Variants in BRINP3 observed in about 807,000 individuals in gnomAD.
BRINP3 encodes the protein BMP/retinoic acid-inducible neural-specific protein 3.
A neutral mutation model predicts 71.0 loss-of-function variants in BRINP3; 19 were observed. That is an observed-to-expected ratio of 0.27 (90% CI 0.19 to 0.39). BRINP3 has a LOEUF of 0.39. Among genes scored for constraint, BRINP3 ranks in the 10% least tolerant of loss-of-function variants. The probability of loss-of-function intolerance (pLI) is 1.00; values close to 1 mark genes in which losing one functional copy is unlikely to be tolerated. For synonymous variants in BRINP3, 380 were observed against 337.7 expected, an observed-to-expected ratio of 1.13 and a Z score of -1.37; for missense variants, 959 against 940.8, an observed-to-expected ratio of 1.02 and a Z score of -0.25.
chr1:190,150,647 T>A (rs1656310930), intron 7 of BRINP3, among the ~76,000 whole-genome samples: 1 of 152,200 alleles, frequency 6.6e-6, no homozygotes, highest in Non-Finnish European at 1.5e-5. Context: ...AATGACAATT[T>A]TGAAATAGCC....
intron 3 of BRINP3, among the ~76,000 whole-genome samples, chr1:190,270,789 G>A (rs10920679): frequency 0.59 from 89,475 of 151,150 alleles, 26,664 homozygotes; most frequent in Admixed American, 0.69. Context: ...CTAAAATAAA[G>A]CTCTAAAGGA....
At chr1:190,198,033 T>C (rs1654646125) in intron 6 of BRINP3, among the ~76,000 whole-genome samples, 1 of 152,126 alleles carries the variant, frequency 6.6e-6, no homozygotes, top group Admixed American at 6.5e-5. Flanking sequence ...AGTTCTTGAC[T>C]CTGTGAACCC....
chr1:190,396,592 T>C (rs1463428598), intron 2 of BRINP3, among the ~76,000 whole-genome samples: 1 of 151,432 alleles, frequency 6.6e-6, no homozygotes, highest in Non-Finnish European at 1.5e-5. Flanking sequence ...ACAAGTGGCA[T>C]TCTCTTTTGC....
chr1:190,235,396 G>A (rs1658418225), intron 4 of BRINP3, among the ~76,000 whole-genome samples: 1 of 152,008 alleles, frequency 6.6e-6, no homozygotes, highest in South Asian at 2.1e-4. Context: ...GAGCAGTATT[G>A]TCAGAATCTT....
chr1:190,458,921 A>AT (rs1418242339), intron 1 of BRINP3, among the ~76,000 whole-genome samples: 2 of 151,906 alleles, frequency 1.3e-5, no homozygotes, highest in African/African-American at 4.8e-5. Context: ...TGGGAGAGTG[A>AT]TTTTATATAA....
chr1:190,144,279 G>A (rs1655700391), intron 7 of BRINP3, among the ~76,000 whole-genome samples: 1 of 151,946 alleles, frequency 6.6e-6, no homozygotes. Context: ...GGCATCCATA[G>A]CATCCATATT....
At chr1:190,369,098 C>T (rs548878611) in intron 2 of BRINP3, among the ~76,000 whole-genome samples, 1 of 152,160 alleles carries the variant, frequency 6.6e-6, no homozygotes, top group Non-Finnish European at 1.5e-5. Flanking sequence ...GAGGACACAG[C>T]TAAACCATAT....
At chr1:190,385,462 C>CA in intron 2 of BRINP3, among the ~76,000 whole-genome samples, 1 of 151,458 alleles carries the variant, frequency 6.6e-6, no homozygotes, top group Non-Finnish European at 1.5e-5. Flanking sequence ...TTTATGCAGC[C>CA]AAAAAACACA....
intron 3 of BRINP3, among the ~76,000 whole-genome samples, chr1:190,265,539 A>AATATATATATAT (rs36099005): frequency 1.6e-4 from 22 of 139,254 alleles, no homozygotes; most frequent in South Asian, 6.8e-4. Context: ...GTCTCTACTA[A>AATATATATATAT]ATATATATAT....
intron 2 of BRINP3, among the ~76,000 whole-genome samples, chr1:190,405,446 GTC>G: frequency 1.3e-5 from 1 of 78,090 alleles, no homozygotes; most frequent in African/African-American, 5.4e-5. Flanking sequence ...GCGAGACTCC[GTC>G]TCAAAAAAAA....
At chr1:190,149,203 T>A (rs1170641395) in intron 7 of BRINP3, among the ~76,000 whole-genome samples, 1 of 152,206 alleles carries the variant, frequency 6.6e-6, no homozygotes, top group Non-Finnish European at 1.5e-5. Flanking sequence ...TTGTCACTAG[T>A]GAGTCAGTTC....
intron 1 of BRINP3, among the ~76,000 whole-genome samples, chr1:190,476,170 G>C (rs1677488093): frequency 6.6e-6 from 1 of 151,764 alleles, no homozygotes; most frequent in African/African-American, 2.4e-5. Context: ...GGAGCTAAAA[G>C]GGCTTTTGAA....
At chr1:190,243,588 C>T (rs1659315333) in intron 4 of BRINP3, among the ~76,000 whole-genome samples, 1 of 151,948 alleles carries the variant, frequency 6.6e-6, no homozygotes, top group African/African-American at 2.4e-5. Flanking sequence ...CTGAGGTTTT[C>T]AATATTAATA....
rs34739035 is a variant in BRINP3 at position 190,098,825 on chromosome 1, T to G, written c.1494A>C (p.Lys498Asn). Residue 498 changes from lysine (K) to asparagine (N), a missense_variant, in exon 8 of 8, where the codon AAA (lysine) becomes AAC (asparagine). Coordinates refer to ENST00000367462, the MANE Select transcript of BRINP3 (RefSeq NM_199051.3). The stretch of plus-strand genomic sequence containing the variant: ...GTCTGTCCGTTTTCTGCAGCAGATA[T>G]TTCATCTCGAGATCTTGCAGGTCAG... ...FETDLQDLEM[K>N]YLLQKTDRRI... is the part of the protein sequence containing the mutation. 3.3e-5 allele frequency: 53 copies of G among 1,614,070 alleles called. No individual in the cohort carries two copies. Among genetic ancestry groups the G allele is most frequent in the Non-Finnish European group, 4.2e-5 (49 of 1,180,044 alleles).
rs72731106 is a variant in BRINP3, at chr1:190,349,312, T to C, written c.237-67562A>G. ...CTTTAAATTTATTATTTTCCAATAG[T>C]TTACAGAGATAGTAGGCAAGGTTAA... On this transcript the variant is annotated intron_variant, in intron 2 of 7. Coordinates refer to ENST00000367462, the MANE Select transcript of BRINP3 (RefSeq NM_199051.3). 5.9e-3 allele frequency among the ~76,000 whole-genome samples: 903 copies of C among 152,142 alleles called. 15 individuals carry two copies. Among genetic ancestry groups the C allele is most frequent in the Non-Finnish European group, 4.6e-3 (311 of 67,986 alleles).
chr1:190,224,866 G>A (rs978413501), intron 6 of BRINP3, among the ~76,000 whole-genome samples: 12 of 151,952 alleles, frequency 7.9e-5, no homozygotes, highest in Admixed American at 5.9e-4. Flanking sequence ...CTCATAAGAA[G>A]ACATAAAGAT....
chr1:190,367,399 G>A (rs940470745), intron 2 of BRINP3, among the ~76,000 whole-genome samples: 2 of 152,032 alleles, frequency 1.3e-5, no homozygotes, highest in Non-Finnish European at 2.9e-5. Flanking sequence ...AGGGGACCCT[G>A]GGCCTCGCCC....
At chr1:190,110,626 G>C (rs541011009) in intron 7 of BRINP3, among the ~76,000 whole-genome samples, 3 of 152,118 alleles carry the variant, frequency 2.0e-5, no homozygotes, top group African/African-American at 7.2e-5. Context: ...GAGTCCTGTA[G>C]TATAAATGGA....
chr1:190,132,346 T>G (rs1654611848), intron 7 of BRINP3, among the ~76,000 whole-genome samples: 1 of 152,198 alleles, frequency 6.6e-6, no homozygotes, highest in Non-Finnish European at 1.5e-5. Context: ...TGCCCTCATG[T>G]TATGCCATTA....
Sources: gnomAD v4.1 joint callset for allele counts (sites outside exome capture counted in the v4.1 genomes callset) on GRCh38, gnomAD v4.1.1 for gene constraint, MANE v1.5 for transcripts, NCBI Gene and HGNC (gene_info 2026-07-23, HGNC 2026-07-21) for gene names.